The following RGS6 variants were observed in gnomAD, a reference collection of about 807,000 sequenced individuals.
The protein encoded by RGS6 is regulator of G protein signaling 6.
In RGS6, 30 loss-of-function variants were observed where a neutral mutation model predicts 78.5. The ratio of observed to expected loss-of-function variants is 0.38; its 90% CI spans 0.29 to 0.52. The LOEUF (loss-of-function observed/expected upper bound fraction) is 0.52. RGS6 is among the 20% of genes least tolerant of loss of function. The pLI is 0.85. For missense variants in RGS6, 495 were observed against 609.7 expected (o/e 0.81, Z 1.98); for synonymous variants, 206 against 206.0 (o/e 1.00, Z 0.00).
At chr14:72,167,356 T>C (rs1389621032) in intron 2 of RGS6, among the ~76,000 whole-genome samples, 4 of 152,264 alleles carry the variant, frequency 2.6e-5, no homozygotes, top group African/African-American at 9.6e-5. Flanking sequence ...GTCACAATTA[T>C]ATATAATGGA....
chr14:72,493,356 T>A (rs919748186), intron 12 of RGS6, among the ~76,000 whole-genome samples: 2 of 151,966 alleles, frequency 1.3e-5, no homozygotes, highest in African/African-American at 4.8e-5. Context: ...GACACTATGA[T>A]AACCAAAAGT....
chr14:72,399,480 A>G (rs1264043142), intron 3 of RGS6, among the ~76,000 whole-genome samples: 11 of 151,992 alleles, frequency 7.2e-5, no homozygotes, highest in Non-Finnish European at 2.9e-5. Flanking sequence ...TCTTGACTCT[A>G]TCCAATTTGC....
At chr14:72,368,299 A>G (rs778635367) in intron 3 of RGS6, among the ~76,000 whole-genome samples, 13 of 152,070 alleles carry the variant, frequency 8.5e-5, no homozygotes, top group Non-Finnish European at 1.6e-4. Context: ...GCATTAATTC[A>G]TTCTGTAGTT....
chr14:72,034,437 G>T (rs2091388137), intron 2 of RGS6, among the ~76,000 whole-genome samples: 1 of 150,478 alleles, frequency 6.6e-6, no homozygotes, highest in Non-Finnish European at 1.5e-5. Context: ...CAGTCATGTG[G>T]TTTTTAGCCC....
At chr14:72,478,775 C>T (rs190109045) in intron 12 of RGS6, among the ~76,000 whole-genome samples, 7 of 152,332 alleles carry the variant, frequency 4.6e-5, no homozygotes, top group East Asian at 3.9e-4. Context: ...CGCCTCCACA[C>T]GCCATCAACC....
intron 2 of RGS6, among the ~76,000 whole-genome samples, chr14:72,185,808 G>T (rs536650243): frequency 6.6e-6 from 1 of 152,322 alleles, no homozygotes; most frequent in East Asian, 1.9e-4. Flanking sequence ...AGGTGTGGTA[G>T]TGTGTACTTT....
intron 2 of RGS6, among the ~76,000 whole-genome samples, chr14:72,197,942 A>G (rs1266423423): frequency 6.6e-6 from 1 of 151,854 alleles, no homozygotes; most frequent in Non-Finnish European, 1.5e-5. Flanking sequence ...TATAGATAAT[A>G]TTTTATATTT....
At chr14:72,480,149 A>G (rs985803225) in intron 12 of RGS6, among the ~76,000 whole-genome samples, 2 of 152,164 alleles carry the variant, frequency 1.3e-5, no homozygotes, top group African/African-American at 4.8e-5. Context: ...ATTCTGGATA[A>G]TCTTCAAGTG....
chr14:72,484,196 G>C (rs1366517319), intron 12 of RGS6, among the ~76,000 whole-genome samples: 1 of 152,166 alleles, frequency 6.6e-6, no homozygotes, highest in Non-Finnish European at 1.5e-5. Flanking sequence ...CTCATGTAGA[G>C]GCTCTGATTT....
At chr14:72,322,275 TA>T (rs960557746) in intron 2 of RGS6, among the ~76,000 whole-genome samples, 1 of 151,924 alleles carries the variant, frequency 6.6e-6, no homozygotes, top group Non-Finnish European at 1.5e-5. Flanking sequence ...GAAAAATCAA[TA>T]AATCATTAGT....
intron 3 of RGS6, among the ~76,000 whole-genome samples, chr14:72,422,620 T>A (rs969218394): frequency 1.3e-5 from 2 of 152,118 alleles, no homozygotes; most frequent in African/African-American, 4.8e-5. Flanking sequence ...GCCTCACCCC[T>A]CGTCCTTGTC....
At chr14:72,612,430 CTTTT>C in the RGS6 span, 1 of 419,670 alleles carries the variant, frequency 2.4e-6, no homozygotes, top group Non-Finnish European at 4.8e-6. Flanking sequence ...TGTTTCTGTC[CTTTT>C]TTTTTTTCTA....
At chr14:72,433,558 G>A (rs1303493143) in intron 3 of RGS6, among the ~76,000 whole-genome samples, 1 of 151,842 alleles carries the variant, frequency 6.6e-6, no homozygotes, top group Non-Finnish European at 1.5e-5. Context: ...AACTAAAAAA[G>A]TCTTTTTAGG....
chr14:71,947,153 T>C (rs1222801630), intron 1 of RGS6, among the ~76,000 whole-genome samples: 1 of 152,172 alleles, frequency 6.6e-6, no homozygotes, highest in South Asian at 2.1e-4. Context: ...CCAGGCTCAC[T>C]ATACAAATGT....
rs541336971 is a variant in RGS6 at position 72,163,852 on chromosome 14, C to T, written c.85-188243C>T. On this transcript the variant is annotated intron_variant, in intron 2 of 17. Transcript: ENST00000553525. ...GAGCCAAGATTGCACCACTGCACTC[C>T]AGCCTGGGCAACAGAGTGAGACTCC... 2.7e-5 allele frequency among the ~76,000 whole-genome samples: 4 copies of T among 146,730 alleles called. No individual in the cohort carries two copies. The South Asian group carries it at 8.7e-4, about 32-fold the overall frequency.
Position 72,399,428 on chromosome 14 carries a change from C to G in RGS6, c.184+47234C>G, listed in dbSNP as rs1596837833. 2.0e-5 allele frequency among the ~76,000 whole-genome samples: 3 copies of G among 152,128 alleles called. No homozygotes were observed. The South Asian group carries it at 6.2e-4, about 32-fold the overall frequency. On this transcript the variant is annotated intron_variant, in intron 3 of 17. Transcript: ENST00000553525. The stretch of plus-strand genomic sequence containing the variant: ...CTTTATTTTGAGCCTATGTGTGTCT[C>G]TGCACGTGAGATGGGTTTCCTGAAT...
At chr14:71,915,148 C>T in the RGS6 span, among the ~76,000 whole-genome samples, 2 of 151,810 alleles carry the variant, frequency 1.3e-5, no homozygotes, top group East Asian at 3.9e-4. Flanking sequence ...GTCCCAGCTA[C>T]TCAGGAGGCT....
chr14:72,002,918 A>G (rs2083762270), intron 2 of RGS6, among the ~76,000 whole-genome samples: 1 of 152,226 alleles, frequency 6.6e-6, no homozygotes, highest in Non-Finnish European at 1.5e-5. Context: ...AATCGAATTC[A>G]GTGACATTGC....
At chr14:71,878,710 AG>A in the RGS6 span, among the ~76,000 whole-genome samples, 1 of 152,206 alleles carries the variant, frequency 6.6e-6, no homozygotes, top group African/African-American at 2.4e-5. Flanking sequence ...CTGTCCAACA[AG>A]CCCCAGTGAG....
Sources: gnomAD v4.1 joint callset for allele counts (sites outside exome capture counted in the v4.1 genomes callset) on GRCh38, gnomAD v4.1.1 for gene constraint, MANE v1.5 for transcripts, NCBI Gene and HGNC (gene_info 2026-07-23, HGNC 2026-07-21) for gene names.